The following ANKUB1 variants were observed in gnomAD, a reference collection of about 807,000 sequenced individuals.
ANKUB1 encodes the protein protein ANKUB1.
Under a neutral mutation model 49.3 loss-of-function variants are expected in ANKUB1, and 42 were observed. That is an observed-to-expected ratio of 0.85 (90% CI 0.67 to 1.10). ANKUB1 has a LOEUF of 1.10. Ranked by LOEUF, ANKUB1 falls within the 50% of genes least tolerant of loss-of-function variation. The pLI, the probability that ANKUB1 is intolerant of heterozygous loss-of-function variation, is 0.00. For synonymous variants in ANKUB1, 222 were observed against 231.0 expected, an observed-to-expected ratio of 0.96 and a Z score of 0.35; for missense variants, 613 against 642.0, an observed-to-expected ratio of 0.95 and a Z score of 0.49.
In ANKUB1 at chr3:149,792,009, C is replaced by T. The variant is rs535804423; in HGVS notation, c.90+268G>A. The stretch of plus-strand genomic sequence containing the variant: ...TTGCAATAATATTATCTGGCCTATG[C>T]ACAACCCACACATTCCCTAAAAAGA... On this transcript the variant is annotated intron_variant, in intron 1 of 5. Transcript: ENST00000446160. Among the ~76,000 whole-genome samples, 87 of 152,214 alleles carry T rather than the reference C, an allele frequency of 5.7e-4. 2 individuals carry two copies. In the South Asian group the frequency reaches 0.018, roughly 31 times the overall value.
intron 5 of ANKUB1, among the ~76,000 whole-genome samples, chr3:149,762,139 G>A (rs946982159): frequency 2.6e-5 from 4 of 152,080 alleles, no homozygotes; most frequent in Non-Finnish European, 4.4e-5. Context: ...TTAATACAGA[G>A]GTGTTTTACA....
chr3:149,792,203 C>A, intron 1 of ANKUB1, 74 bp downstream of exon 1: 1 of 1,085,510 alleles, frequency 9.2e-7, no homozygotes, highest in South Asian at 2.2e-5. Flanking sequence ...CATCTCTACC[C>A]TTTGTACATT....
At position 149,780,111 on chromosome 3, in the gene ANKUB1, A is replaced by T. The variant is rs558072191; in HGVS notation, c.451+128T>A. The T allele has an allele frequency of 6.0e-4, 447 of 748,612 alleles. 2 individuals carry two copies. In the African/African-American group the frequency reaches 7.1e-3, roughly 12 times the overall value. The allele number at this position is 748,612 out of a possible 1,614,324, so 46.4% of individuals were successfully genotyped here. On this transcript the variant is annotated intron_variant, in intron 3 of 5. Coordinates refer to ENST00000446160, the MANE Select transcript of ANKUB1 (RefSeq NM_001144960.3). ...ATGTGTTAACTGTTTTAAAGTGAAT[A>T]TGTAAATAAAGTTAACAGATTGTAT...
intron 2 of ANKUB1, among the ~76,000 whole-genome samples, chr3:149,784,948 A>G (rs1322340221): frequency 6.6e-6 from 1 of 152,170 alleles, no homozygotes; most frequent in African/African-American, 2.4e-5. Context: ...TATCTTATCT[A>G]GTACTATTCT....
At chr3:149,786,979 T>C (rs576093604) in intron 2 of ANKUB1, among the ~76,000 whole-genome samples, 1 of 152,186 alleles carries the variant, frequency 6.6e-6, no homozygotes, top group Admixed American at 6.5e-5. Flanking sequence ...ACTTTAGCCT[T>C]ATAGTATAGT....
intron 2 of ANKUB1, among the ~76,000 whole-genome samples, chr3:149,788,179 A>G (rs545162913): frequency 1.3e-5 from 2 of 152,322 alleles, no homozygotes; most frequent in East Asian, 1.9e-4. Context: ...TGACTTGGAA[A>G]TCAGCCTTGG....
intron 4 of ANKUB1, 100 bp downstream of exon 4, chr3:149,770,460 C>A (rs778057771): frequency 2.3e-5 from 19 of 826,092 alleles, no homozygotes; most frequent in South Asian, 4.7e-5. Context: ...TAGAGCAGCA[C>A]CCCAGCTGTA....
intron 3 of ANKUB1, chr3:149,778,772 T>C (rs1196150857): frequency 6.6e-6 from 1 of 152,136 alleles, no homozygotes; most frequent in East Asian, 1.9e-4. Flanking sequence ...TTTAAAATAA[T>C]AGGAAAGAAT....
chr3:149,785,652 G>A (rs1162197994), intron 2 of ANKUB1, among the ~76,000 whole-genome samples: 1 of 152,122 alleles, frequency 6.6e-6, no homozygotes, highest in Non-Finnish European at 1.5e-5. Flanking sequence ...TCTTAATCCA[G>A]TCTATCACTG....
intron 3 of ANKUB1, among the ~76,000 whole-genome samples, chr3:149,776,681 C>T (rs138108364): frequency 1.1e-4 from 16 of 152,274 alleles, no homozygotes; most frequent in East Asian, 7.7e-4. Flanking sequence ...TGATCTAGGG[C>T]CAGGTGCAGT....
chr3:149,782,864 T>C (rs1717929749), intron 2 of ANKUB1, among the ~76,000 whole-genome samples: 1 of 152,066 alleles, frequency 6.6e-6, no homozygotes, highest in Non-Finnish European at 1.5e-5. Context: ...TAGATGAAAA[T>C]AAAAAGTGCA....
intron 2 of ANKUB1, among the ~76,000 whole-genome samples, chr3:149,781,789 C>G (rs1717883505): frequency 6.6e-6 from 1 of 152,174 alleles, no homozygotes; most frequent in African/African-American, 2.4e-5. Context: ...GTACTTTGAT[C>G]TAGGGCCCAT....
chr3:149,767,205 C>G lies in ANKUB1; in HGVS notation c.1457G>C (p.Ser486Thr), dbSNP rs778530012. The G allele has an allele frequency of 6.5e-7, 1 of 1,548,586 alleles. No individual in the cohort carries two copies. The highest frequency in any genetic ancestry group is 8.7e-7 in the Non-Finnish European group (1 of 1,146,106). The change falls in exon 5 of 6, where the codon AGT becomes ACT. Residue 486 changes from serine to threonine, a missense_variant. Physicochemically the swap from Ser to Thr is moderately conservative, Grantham distance 58. Coordinates refer to ENST00000446160, the MANE Select transcript of ANKUB1 (RefSeq NM_001144960.3). Reference protein sequence around the residue: ...KSSFSSFLEHSGKTPWENAIY... With the variant: ...KSSFSSFLEHTGKTPWENAIY... ...TGCGTTCTCCCATGGAGTCTTCCCA[C>G]TGTGCTCTAAGAAAGATGAGAAGGA... is the stretch of plus-strand genomic sequence containing the variant.
chr3:149,775,892 G>GGT (rs1444455027), intron 3 of ANKUB1, among the ~76,000 whole-genome samples: 1 of 151,688 alleles, frequency 6.6e-6, no homozygotes, highest in Non-Finnish European at 1.5e-5. Context: ...CGTAAGACTA[G>GGT]GTGTGTGTGT....
chr3:149,780,610 A>T (rs1044041035), intron 2 of ANKUB1, among the ~76,000 whole-genome samples, 155 bp from the exon 3 acceptor site: 9 of 152,188 alleles, frequency 5.9e-5, no homozygotes. Flanking sequence ...GTCTGAGTCT[A>T]GCTCTTATGT....
chr3:149,784,440 C>T (rs1245647111), intron 2 of ANKUB1, among the ~76,000 whole-genome samples: 1 of 152,278 alleles, frequency 6.6e-6, no homozygotes, highest in South Asian at 2.1e-4. Context: ...GCAACAGACA[C>T]AGGAAAGTCT....
At chr3:149,774,473 A>T (rs942768575) in intron 3 of ANKUB1, among the ~76,000 whole-genome samples, 21 of 152,162 alleles carry the variant, frequency 1.4e-4, no homozygotes, top group Admixed American at 1.1e-3. Context: ...ATGTCTATAG[A>T]TGGGATTTTC....
rs1385596381 is a variant in ANKUB1 at position 149,767,641 on chromosome 3, C to T, written c.1021G>A (p.Ala341Thr). The T allele has an allele frequency of 2.6e-6, 4 of 1,551,612 alleles. No homozygotes were observed. The highest frequency in any genetic ancestry group is 3.5e-6 in the Non-Finnish European group (4 of 1,146,986). ...ACCATCACAGTGTCTCCAACTTTTG[C>T]CCCAAAGACCCTTGCTCCACAAAAC... ...SQFCGARVFG[A>T]KVGDTVMVDG... The change falls in exon 5 of 6, where the codon GCA becomes ACA. Residue 341 changes from alanine to threonine, a missense_variant. By Grantham distance (58) the Ala-to-Thr change is moderately conservative. Transcript: ENST00000446160.
chr3:149,765,223 T>A (rs1172261260), intron 5 of ANKUB1, among the ~76,000 whole-genome samples: 4 of 152,170 alleles, frequency 2.6e-5, no homozygotes, highest in Admixed American at 2.6e-4. Flanking sequence ...ATCAAAGGTA[T>A]ATGCCATATG....
Sources: allele counts gnomAD v4.1 joint callset (sites outside exome capture counted in the v4.1 genomes callset), GRCh38; gene constraint gnomAD v4.1.1; transcripts MANE v1.5; gene names NCBI Gene and HGNC (gene_info 2026-07-23, HGNC 2026-07-21).